ANKFN1: variants seen among roughly 807,000 people sequenced by gnomAD.
ANKFN1 encodes the protein ankyrin repeat and fibronectin type III domain containing 1.
A neutral mutation model predicts 108.7 loss-of-function variants in ANKFN1; 74 were observed. That is an observed-to-expected ratio of 0.68 (90% confidence interval 0.56 to 0.83). ANKFN1 has a LOEUF of 0.83. Ranked by LOEUF, ANKFN1 falls within the 40% of genes least tolerant of loss-of-function variation. ANKFN1 has a pLI of 0.00. For missense variants in ANKFN1, 1,505 were observed against 1,382.3 expected, an observed-to-expected ratio of 1.09 and a Z score of -1.41; for synonymous variants, 547 against 516.2, an observed-to-expected ratio of 1.06 and a Z score of -0.81.
intron 6 of ANKFN1, among the ~76,000 whole-genome samples, chr17:56,367,433 A>ATTAGAATACAATTGTATTCTAATTGT (rs535571387): frequency 1.8e-3 from 268 of 152,316 alleles, no homozygotes; most frequent in African/African-American, 5.8e-3. Flanking sequence ...TTTGAACACA[A>ATTAGAATACAATTGTATTCTAATTGT]ATTCCTGCCC....
Position 56,449,109 on chromosome 17 carries a change from G to A in ANKFN1, c.1130G>A (p.Arg377Lys). ...AAAGACTATGACGACAGAGAGCCCA[G>A]ACACAAGGGACAGAGTGAAGTTTTG... ...NWKDYDDREP[R>K]HKGQSEVLEG... is the part of the protein sequence containing the mutation. The change falls in exon 11 of 21, where the codon AGA (arginine) becomes AAA (lysine). Residue 377 changes from arginine to lysine, a missense_variant. Physicochemically the swap from Arg to Lys is conservative, Grantham distance 26. Coordinates refer to ENST00000682825, the MANE Select transcript of ANKFN1 (RefSeq NM_001370326.1). 6.2e-7 allele frequency: 1 copy of A among 1,613,510 alleles called. No individual in the cohort carries two copies. Among genetic ancestry groups the A allele is most frequent in the Non-Finnish European group, 8.5e-7 (1 of 1,179,606 alleles).
chr17:56,214,071 A>C (rs1915242934), intron 2 of ANKFN1, among the ~76,000 whole-genome samples: 1 of 152,190 alleles, frequency 6.6e-6, no homozygotes, highest in Non-Finnish European at 1.5e-5. Flanking sequence ...TTAATTTAAA[A>C]CATTTTAGTA....
chr17:56,189,766 C>T (rs1912699377), intron 1 of ANKFN1, among the ~76,000 whole-genome samples: 1 of 152,146 alleles, frequency 6.6e-6, no homozygotes, highest in African/African-American at 2.4e-5. Flanking sequence ...GGCTATGATT[C>T]AGCCTACCCC....
intron 3 of ANKFN1, among the ~76,000 whole-genome samples, chr17:56,273,130 G>T (rs2043834369): frequency 1.3e-5 from 2 of 152,072 alleles, no homozygotes; most frequent in South Asian, 2.1e-4. Context: ...ATACTTTGGT[G>T]TTTCCTTTCT....
chr17:56,456,250 A>G (rs983517357), intron 11 of ANKFN1, among the ~76,000 whole-genome samples: 1 of 152,170 alleles, frequency 6.6e-6, no homozygotes, highest in African/African-American at 2.4e-5. Flanking sequence ...CTACCTTAAA[A>G]TAAATCAAAA....
intron 19 of ANKFN1, among the ~76,000 whole-genome samples, chr17:56,494,387 G>A (rs1322387106): frequency 1.3e-5 from 2 of 152,098 alleles, no homozygotes; most frequent in Non-Finnish European, 2.9e-5. Flanking sequence ...GTAGCATGAG[G>A]AGAATACGAA....
intron 1 of ANKFN1, among the ~76,000 whole-genome samples, chr17:56,174,614 T>G (rs1396663307): frequency 6.6e-6 from 1 of 152,142 alleles, no homozygotes; most frequent in Non-Finnish European, 1.5e-5. Flanking sequence ...GTCCTATAAT[T>G]AGACAGAGCA....
At chr17:56,160,168 CTG>C (rs560447240) in intron 1 of ANKFN1, among the ~76,000 whole-genome samples, 64 of 152,354 alleles carry the variant, frequency 4.2e-4, no homozygotes, top group Non-Finnish European at 7.5e-4. Context: ...AATTAGTCCT[CTG>C]TCTCTGCAAT....
At chr17:56,288,952 G>T (rs2044290907) in intron 3 of ANKFN1, among the ~76,000 whole-genome samples, 1 of 152,182 alleles carries the variant, frequency 6.6e-6, no homozygotes, top group Non-Finnish European at 1.5e-5. Context: ...ACACATTCTT[G>T]TCTCCAGTCC....
chr17:56,070,034 G>T (rs1905101334), intron 4 of ANKFN1, among the ~76,000 whole-genome samples: 1 of 152,168 alleles, frequency 6.6e-6, no homozygotes, highest in South Asian at 2.1e-4. Context: ...GCCCATCTTG[G>T]TTTTGGTGGG....
In ANKFN1 at chr17:56,511,126, G is replaced by A; in HGVS notation, c.3298G>A (p.Val1100Met). 1 of 1,536,026 alleles carries A rather than the reference G, an allele frequency of 6.5e-7. No individual in the cohort carries two copies. The highest frequency in any genetic ancestry group is 8.7e-7 in the Non-Finnish European group (1 of 1,146,852). ...CGTGGAGCCCTACGCAGCGGCCGTG[G>A]TGGCCCAGGACGAAAAACCATGGGC... ...LYVEPYAAAV[V>M]AQDEKPWASL... The change falls in exon 21 of 21, where the codon GTG becomes ATG. Residue 1100 changes from valine (V) to methionine (M), a missense_variant. Transcript: ENST00000682825.
intron 8 of ANKFN1, among the ~76,000 whole-genome samples, chr17:56,420,229 G>A (rs1057508462): frequency 1.3e-5 from 2 of 152,204 alleles, no homozygotes; most frequent in African/African-American, 4.8e-5. Flanking sequence ...AGGAGCACTA[G>A]AGAACCTGCT....
intron 4 of ANKFN1, among the ~76,000 whole-genome samples, chr17:56,335,063 C>T (rs928340120): frequency 1.3e-5 from 2 of 152,124 alleles, no homozygotes; most frequent in African/African-American, 2.4e-5. Flanking sequence ...TCTGAGGTCT[C>T]TGTTCTGTTC....
intron 4 of ANKFN1, among the ~76,000 whole-genome samples, chr17:56,330,247 A>G (rs569646844): frequency 0.41 from 61,946 of 151,868 alleles, 15,226 homozygotes; most frequent in East Asian, 0.55. Context: ...CAATCATGGC[A>G]GAAGGCAAAG....
At chr17:56,176,595 G>A (rs909698367) in intron 1 of ANKFN1, among the ~76,000 whole-genome samples, 2 of 152,064 alleles carry the variant, frequency 1.3e-5, no homozygotes, top group East Asian at 1.9e-4. Context: ...CCCTTATTTC[G>A]AATATCGTTG....
intron 4 of ANKFN1, among the ~76,000 whole-genome samples, chr17:56,064,354 C>T (rs375360735): frequency 5.8e-4 from 88 of 152,310 alleles, no homozygotes; most frequent in Non-Finnish European, 9.7e-4. Context: ...TGCTGGTCTG[C>T]GGAGACTGCG....
At position 56,126,803 on chromosome 17, in the gene ANKFN1, T is replaced by C. The variant is rs573200398; in HGVS notation, c.288+80478T>C. On this transcript the variant is annotated intron_variant, in intron 4 of 12. Coordinates refer to the ANKFN1 transcript ENST00000635860. The stretch of plus-strand genomic sequence containing the variant: ...GCAGAAACAGCACCAGGCTTTAAGA[T>C]TGGTCCTGATGAAAGCAGAATGGGG... Among the ~76,000 whole-genome samples, 111 of 152,352 alleles carry C rather than the reference T, an allele frequency of 7.3e-4. 1 individual carries two copies. The highest frequency in any genetic ancestry group is 2.5e-3 in the African/African-American group (106 of 41,574).
chr17:56,263,069 C>T (rs922412376), intron 3 of ANKFN1, among the ~76,000 whole-genome samples: 2 of 152,146 alleles, frequency 1.3e-5, no homozygotes, highest in Non-Finnish European at 2.9e-5. Context: ...ATTTTATTTC[C>T]GGAAAGCAAT....
chr17:56,072,384 G>C (rs1005637424), intron 4 of ANKFN1, among the ~76,000 whole-genome samples: 1 of 151,846 alleles, frequency 6.6e-6, no homozygotes, highest in Non-Finnish European at 1.5e-5. Context: ...AAATACACTT[G>C]ATTACACAAG....
Sources: allele counts gnomAD v4.1 joint callset (sites outside exome capture counted in the v4.1 genomes callset), GRCh38; gene constraint gnomAD v4.1.1; transcripts MANE v1.5; gene names NCBI Gene and HGNC (gene_info 2026-07-23, HGNC 2026-07-21).